TOP3A: variants seen among roughly 807,000 people sequenced by gnomAD.
TOP3A encodes the protein DNA topoisomerase III alpha, also known as DNA topoisomerase 3-alpha.
In TOP3A, 64 loss-of-function variants were observed where a neutral mutation model predicts 111.3. The observed-to-expected ratio is 0.57, with a 90% CI of 0.47 to 0.71. The LOEUF (loss-of-function observed/expected upper bound fraction) is 0.71. TOP3A is among the 30% of genes least tolerant of loss of function. The pLI, the probability that TOP3A is intolerant of heterozygous loss-of-function variation, is 0.00. For synonymous variants in TOP3A, 484 were observed against 485.1 expected (o/e 1.00, Z 0.03); for missense variants, 1,104 against 1,285.0 (o/e 0.86, Z 2.15).
intron 13 of TOP3A, among the ~76,000 whole-genome samples, chr17:18,288,844 T>C (rs1003531828): frequency 5.9e-5 from 9 of 152,194 alleles, no homozygotes; most frequent in Non-Finnish European, 1.2e-4. Flanking sequence ...GGTTCTTCTG[T>C]TAGATTGAGA....
At chr17:18,289,858 T>C (rs1306907251) in intron 13 of TOP3A, among the ~76,000 whole-genome samples, 1 of 152,228 alleles carries the variant, frequency 6.6e-6, no homozygotes, top group Non-Finnish European at 1.5e-5. Flanking sequence ...CGCAGCTGCT[T>C]ATGTAACACA....
At chr17:18,294,030 GC>G (rs1183107296) in intron 10 of TOP3A, among the ~76,000 whole-genome samples, 2 of 152,204 alleles carry the variant, frequency 1.3e-5, no homozygotes, top group Admixed American at 6.5e-5. Flanking sequence ...CTGCTCAATA[GC>G]TGCAGGCTGG....
At chr17:18,276,914 G>A (rs1056304963) in intron 18 of TOP3A, among the ~76,000 whole-genome samples, 1 of 152,278 alleles carries the variant, frequency 6.6e-6, no homozygotes, top group East Asian at 1.9e-4. Flanking sequence ...GGCCAGGCAC[G>A]GTGGCTCACG....
In TOP3A at chr17:18,271,701, A is replaced by G. The variant is rs779165008; in HGVS notation, c.*3101T>C. The G allele has an allele frequency of 4.9e-5, 19 of 388,664 alleles. No homozygotes were observed. The highest frequency in any genetic ancestry group is 7.6e-5 in the Non-Finnish European group (15 of 198,466). 24.1% of individuals were successfully genotyped at this position (388,664 alleles called of 1,614,324 possible). ...GCAGAGATGTGAAAACCACAAAGGC[A>G]TCTGATATCCAGAAACTATTAAGAA... On this transcript the variant is annotated 3_prime_UTR_variant, in exon 19 of 19. Coordinates refer to ENST00000321105, the MANE Select transcript of TOP3A (RefSeq NM_004618.5).
chr17:18,298,765 T>C (rs184296202), intron 9 of TOP3A, among the ~76,000 whole-genome samples: 4,161 of 152,268 alleles, frequency 0.027, 84 homozygotes, highest in Non-Finnish European at 0.044. Context: ...CCCAACCCTG[T>C]GCTATCTGAA....
At chr17:18,307,210 A>C (rs1230013569) in intron 3 of TOP3A, 2 of 376,086 alleles carry the variant, frequency 5.3e-6, no homozygotes, top group East Asian at 4.1e-5. Context: ...TGGCTGCATG[A>C]AAAAGGTCTG....
rs886741421 is a variant in TOP3A at position 18,274,729 on chromosome 17, G to T, written c.*73C>A. ...TTCCAGGACACTAAATGGCCACTTG[G>T]TCCTGGTTAACTCATTTCTAAACAC... On this transcript the variant is annotated 3_prime_UTR_variant, in exon 19 of 19. Coordinates refer to ENST00000321105, the MANE Select transcript of TOP3A (RefSeq NM_004618.5). The T allele has an allele frequency of 5.2e-6, 8 of 1,545,148 alleles. No homozygotes were observed. The African/African-American group carries it at 1.1e-4, about 21-fold the overall frequency.
At position 18,274,504 on chromosome 17, in the gene TOP3A, C is replaced by T; in HGVS notation, c.*298G>A. On this transcript the variant is annotated 3_prime_UTR_variant, in exon 19 of 19. Coordinates refer to ENST00000321105, the MANE Select transcript of TOP3A (RefSeq NM_004618.5). ...ACAGTGGGCTTCAGCTGGGACTGCA[C>T]CAATCCTCTGCTAACAGCAACCATC... 1 of 252,252 alleles carries T rather than the reference C, an allele frequency of 4.0e-6. No individual in the cohort carries two copies. The highest frequency in any genetic ancestry group is 7.6e-6 in the Non-Finnish European group (1 of 131,902). The allele number at this position is 252,252 out of a possible 1,614,324, so 15.6% of individuals were successfully genotyped here.
rs1256248927 is a variant in TOP3A, at chr17:18,271,835, G to C, written c.*2967C>G. ...CCTAGCACTTTGGGAGGCCGAGGCTGGTAGATCACCTGAGGTCACGAGTTT... is the reference window on the plus strand; with the variant it reads ...CCTAGCACTTTGGGAGGCCGAGGCTCGTAGATCACCTGAGGTCACGAGTTT... On this transcript the variant is annotated 3_prime_UTR_variant, in exon 19 of 19. Transcript: ENST00000321105. 4.7e-6 allele frequency: 2 copies of C among 425,836 alleles called. No homozygotes were observed. The highest frequency in any genetic ancestry group is 1.9e-4 in the East Asian group (2 of 10,630). The allele number at this position is 425,836 out of a possible 1,614,324, so 26.4% of individuals were successfully genotyped here.
intron 18 of TOP3A, among the ~76,000 whole-genome samples, chr17:18,277,252 C>T (rs1209027193): frequency 6.6e-6 from 1 of 151,320 alleles, no homozygotes; most frequent in East Asian, 1.9e-4. Context: ...ACGACAGCTG[C>T]AAGGGCACAT....
chr17:18,313,328 A>C (rs1982027279), intron 1 of TOP3A: 1 of 153,132 alleles, frequency 6.5e-6, no homozygotes. Flanking sequence ...CAAAGAATTA[A>C]TGTTTCTATT....
intron 1 of TOP3A, among the ~76,000 whole-genome samples, chr17:18,314,173 G>C (rs975251086): frequency 5.3e-5 from 8 of 152,198 alleles, no homozygotes; most frequent in Admixed American, 4.6e-4. Context: ...GGGAGGGCTA[G>C]GTTGGCTGGG....
At chr17:18,291,419 G>T (rs1980469655) in intron 11 of TOP3A, among the ~76,000 whole-genome samples, 1 of 152,200 alleles carries the variant, frequency 6.6e-6, no homozygotes, top group African/African-American at 2.4e-5. Context: ...GTAATTTTCA[G>T]GGTAATTTTC....
chr17:18,295,038 G>T (rs929196909), intron 9 of TOP3A, among the ~76,000 whole-genome samples: 6 of 152,220 alleles, frequency 3.9e-5, no homozygotes, highest in Admixed American at 3.9e-4. Flanking sequence ...CTGACCACTG[G>T]GGAAGGTGCT....
At chr17:18,285,636 T>C in intron 13 of TOP3A, 116 bp from the exon 14 acceptor site, 1 of 737,672 alleles carries the variant, frequency 1.4e-6, no homozygotes, top group East Asian at 2.7e-5. Context: ...CCTATGCAGG[T>C]AAGATGCCTT....
chr17:18,292,257 C>T (rs1339016399), intron 11 of TOP3A, among the ~76,000 whole-genome samples: 2 of 152,118 alleles, frequency 1.3e-5, no homozygotes, highest in Non-Finnish European at 2.9e-5. Flanking sequence ...GGGGGTGGCA[C>T]GACTGGGGTG....
chr17:18,276,104 T>C (rs118093840), intron 18 of TOP3A, among the ~76,000 whole-genome samples: 2,599 of 152,288 alleles, frequency 0.017, 36 homozygotes, highest in Middle Eastern at 0.027. Context: ...TTGGAGACAT[T>C]GTCCCACACT....
Position 18,292,687 on chromosome 17 carries a change from A to G in TOP3A, c.1239T>C (p.Ala413=). The part of the protein sequence containing the change: ...TPRNGNKSDQ[A]HPPIHPTKYT... ...ATTTGGTGGGGTGAATGGGAGGGTGAGCTTGGTCAGACTTGTTCCCATTGC... is the reference window on the plus strand; with the variant it reads ...ATTTGGTGGGGTGAATGGGAGGGTGGGCTTGGTCAGACTTGTTCCCATTGC... Residue 413 remains alanine, a synonymous_variant, in exon 11 of 19, where the codon GCT becomes GCC. Coordinates refer to ENST00000321105, the MANE Select transcript of TOP3A (RefSeq NM_004618.5). The G allele has an allele frequency of 6.3e-7, 1 of 1,590,032 alleles. No homozygotes were observed. Among genetic ancestry groups the G allele is most frequent in the South Asian group, 1.1e-5 (1 of 89,184 alleles).
intron 13 of TOP3A, among the ~76,000 whole-genome samples, chr17:18,286,139 G>A (rs1024152460): frequency 6.6e-6 from 1 of 150,986 alleles, no homozygotes; most frequent in Non-Finnish European, 1.5e-5. Context: ...GACAGAGGCT[G>A]CAACGAGCTG....
Sources: gnomAD v4.1 joint callset for allele counts (sites outside exome capture counted in the v4.1 genomes callset) on GRCh38, gnomAD v4.1.1 for gene constraint, MANE v1.5 for transcripts, NCBI Gene and HGNC (gene_info 2026-07-23, HGNC 2026-07-21) for gene names.